Variants in DNAJC3 observed in about 807,000 individuals in gnomAD.
DNAJC3 encodes DnaJ heat shock protein family (Hsp40) member C3.
Under a neutral mutation model 68.6 loss-of-function variants are expected in DNAJC3, and 38 were observed. The observed-to-expected ratio is 0.55, with a 90% CI of 0.43 to 0.73. The LOEUF (loss-of-function observed/expected upper bound fraction) is 0.73, where lower values mean the gene tolerates loss of function less well. Ranked by LOEUF, DNAJC3 falls within the 30% of genes least tolerant of loss-of-function variation. The probability of loss-of-function intolerance (pLI) is 0.00; values close to 1 mark genes in which losing one functional copy is unlikely to be tolerated. For missense variants in DNAJC3, 526 were observed against 591.9 expected, an observed-to-expected ratio of 0.89 and a Z score of 1.16; for synonymous variants, 203 against 204.0, an observed-to-expected ratio of 1.00 and a Z score of 0.04.
chr13:95,783,534 GGTTTT>G (rs1182761287), intron 9 of DNAJC3, among the ~76,000 whole-genome samples: 3 of 152,120 alleles, frequency 2.0e-5, no homozygotes, highest in Admixed American at 6.5e-5. Flanking sequence ...TGTTTATGAT[GGTTTT>G]GTTTTTATAC....
chr13:95,770,811 T>A (rs1040924005), intron 9 of DNAJC3, among the ~76,000 whole-genome samples: 10 of 152,216 alleles, frequency 6.6e-5, no homozygotes, highest in African/African-American at 2.4e-4. Context: ...CGAGGCTGTA[T>A]CCTAAGTGTT....
Position 95,751,789 on chromosome 13 carries a change from TCA to T in DNAJC3, c.394-5852_394-5851del, listed in dbSNP as rs1882487217. Reference sequence around the variant, plus strand: ...TATAAAGGAAAGAGGTTTAATAGACTCACAGTTTCACATGGCTGGGGAGGCCT... The same window carrying T: ...TATAAAGGAAAGAGGTTTAATAGACTCAGTTTCACATGGCTGGGGAGGCCT... On this transcript the variant is annotated intron_variant, in intron 4 of 11. Coordinates refer to ENST00000602402, the MANE Select transcript of DNAJC3 (RefSeq NM_006260.5). Among the ~76,000 whole-genome samples, 5 of 152,192 alleles carry T rather than the reference TCA, an allele frequency of 3.3e-5. No individual in the cohort carries two copies. The South Asian group carries it at 1.0e-3, about 32-fold the overall frequency.
At position 95,725,234 on chromosome 13, in the gene DNAJC3, A is replaced by G; in HGVS notation, c.375A>G (p.Glu125=). The G allele has an allele frequency of 1.3e-6, 2 of 1,595,508 alleles. No homozygotes were observed. The highest frequency in any genetic ancestry group is 2.3e-5 in the South Asian group (2 of 87,108). The change falls in exon 4 of 12, where the codon GAA becomes GAG. Residue 125 remains glutamate, a synonymous_variant. Coordinates refer to ENST00000602402, the MANE Select transcript of DNAJC3 (RefSeq NM_006260.5). ...AACAAGGAAAACTTGATGAAGCAGA[A>G]GATGATTTTAAAAAAGTGGTAAGTT... The part of the protein sequence containing the change: ...LLKQGKLDEA[E]DDFKKVLKSN...
intron 1 of DNAJC3, among the ~76,000 whole-genome samples, chr13:95,702,689 C>T (rs1272550928): frequency 6.6e-6 from 1 of 152,212 alleles, no homozygotes; most frequent in African/African-American, 2.4e-5. Context: ...TGATCTTGGA[C>T]TTGCTAGCCT....
intron 1 of DNAJC3, among the ~76,000 whole-genome samples, chr13:95,707,299 C>T (rs763065456): frequency 2.6e-5 from 4 of 152,128 alleles, no homozygotes; most frequent in African/African-American, 7.2e-5. Flanking sequence ...GGTACTGGTC[C>T]GTGGCTGGGG....
chr13:95,768,358 T>C (rs1883066367), intron 9 of DNAJC3, among the ~76,000 whole-genome samples: 1 of 152,200 alleles, frequency 6.6e-6, no homozygotes, highest in African/African-American at 2.4e-5. Flanking sequence ...GGAACTTGCA[T>C]TGACTTTTCT....
intron 1 of DNAJC3, among the ~76,000 whole-genome samples, chr13:95,681,723 AATTCTTTACTATGTCT>A (rs1212822602): frequency 3.3e-5 from 5 of 152,122 alleles, no homozygotes; most frequent in Non-Finnish European, 7.4e-5. Flanking sequence ...ACACTCCCAC[AATTCTTTACTATGTCT>A]ATTCTTGAAA....
intron 4 of DNAJC3, among the ~76,000 whole-genome samples, chr13:95,740,716 C>T (rs1361917662): frequency 6.6e-6 from 1 of 152,342 alleles, no homozygotes; most frequent in Non-Finnish European, 1.5e-5. Context: ...CTGTCTGGCA[C>T]TCCCTAGTGA....
intron 4 of DNAJC3, among the ~76,000 whole-genome samples, chr13:95,753,294 T>C (rs1480221844): frequency 2.0e-5 from 3 of 152,212 alleles, no homozygotes; most frequent in African/African-American, 7.2e-5. Context: ...TTGTATACTA[T>C]TGTTTCCAAA....
At chr13:95,687,021 G>T (rs1166384786) in intron 1 of DNAJC3, among the ~76,000 whole-genome samples, 2 of 152,126 alleles carry the variant, frequency 1.3e-5, no homozygotes, top group African/African-American at 4.8e-5. Flanking sequence ...GGATGTTTTT[G>T]TGTTTATTTA....
intron 1 of DNAJC3, among the ~76,000 whole-genome samples, chr13:95,683,899 C>G (rs1479102495): frequency 7.1e-6 from 1 of 141,054 alleles, no homozygotes; most frequent in East Asian, 2.1e-4. Context: ...CACCACTGCA[C>G]TCCAGCCTGG....
intron 4 of DNAJC3, among the ~76,000 whole-genome samples, chr13:95,738,511 A>G (rs1160341671): frequency 6.6e-6 from 1 of 151,994 alleles, no homozygotes; most frequent in African/African-American, 2.4e-5. Flanking sequence ...TTGCTCCTGT[A>G]TTGGGTGCAT....
chr13:95,752,757 A>C lies in DNAJC3; in HGVS notation c.394-4887A>C, dbSNP rs550731409. ...TGTACTCACAGACCCCTGAAAGGGC[A>C]CTAAGGAATCCCAGGGGTTCCTAGG... On this transcript the variant is annotated intron_variant, in intron 4 of 11. Transcript: ENST00000602402. 7.2e-5 allele frequency among the ~76,000 whole-genome samples: 11 copies of C among 152,302 alleles called. No homozygotes were observed. In the South Asian group the frequency reaches 2.3e-3, roughly 32 times the overall value.
chr13:95,736,179 A>G (rs966431591), intron 4 of DNAJC3, among the ~76,000 whole-genome samples: 15 of 152,124 alleles, frequency 9.9e-5, no homozygotes, highest in Non-Finnish European at 1.8e-4. Flanking sequence ...CCATTGATCT[A>G]TATCTCTGTT....
Position 95,760,712 on chromosome 13 carries a change from T to C in DNAJC3, c.762T>C (p.Asp254=). 6.2e-7 allele frequency: 1 copy of C among 1,611,918 alleles called. No individual in the cohort carries two copies. The highest frequency in any genetic ancestry group is 8.5e-7 in the Non-Finnish European group (1 of 1,179,108). Residue 254 remains aspartate (D), a synonymous_variant, in exon 7 of 12, where the codon GAT becomes GAC. Coordinates refer to ENST00000602402, the MANE Select transcript of DNAJC3 (RefSeq NM_006260.5). ...EVRECLKLDQ[D]HKRCFAHYKQ... is the part of the protein sequence containing the mutation. ...GGGAATGTCTTAAACTTGACCAGGATCATAAAAGGTGTTTTGCACACTATA... is the reference window on the plus strand; with the variant it reads ...GGGAATGTCTTAAACTTGACCAGGACCATAAAAGGTGTTTTGCACACTATA...
At chr13:95,765,054 T>C (rs968623786) in intron 9 of DNAJC3, among the ~76,000 whole-genome samples, 1 of 152,124 alleles carries the variant, frequency 6.6e-6, no homozygotes, top group African/African-American at 2.4e-5. Context: ...AAGTTCCCAG[T>C]TTCCAGGGAA....
chr13:95,729,219 C>A, intron 4 of DNAJC3, among the ~76,000 whole-genome samples: 1 of 125,686 alleles, frequency 8.0e-6, no homozygotes, highest in Non-Finnish European at 1.7e-5. Flanking sequence ...CTCTCTTTTC[C>A]CCCGCCCTCT....
intron 4 of DNAJC3, among the ~76,000 whole-genome samples, chr13:95,736,397 A>G (rs1428001012): frequency 3.4e-5 from 5 of 148,844 alleles, no homozygotes; most frequent in South Asian, 2.2e-4. Flanking sequence ...CATTGAATCT[A>G]TAAATTACCT....
At chr13:95,773,705 G>T (rs1883219562) in intron 9 of DNAJC3, among the ~76,000 whole-genome samples, 1 of 145,604 alleles carries the variant, frequency 6.9e-6, no homozygotes. Context: ...GATCATTGTA[G>T]ACAAAGTTTG....
Sources: gnomAD v4.1 joint callset for allele counts (sites outside exome capture counted in the v4.1 genomes callset) on GRCh38, gnomAD v4.1.1 for gene constraint, MANE v1.5 for transcripts, NCBI Gene and HGNC (gene_info 2026-07-23, HGNC 2026-07-21) for gene names.